The following MPP4 variants were observed in gnomAD, a reference collection of about 807,000 sequenced individuals.
MPP4 encodes MAGUK p55 subfamily member 4.
In MPP4, 91 loss-of-function variants were observed where a neutral mutation model predicts 98.3. The ratio of observed to expected loss-of-function variants is 0.93; its 90% CI spans 0.78 to 1.10. The LOEUF is 1.10. Ranked by LOEUF, MPP4 falls within the 50% of genes least tolerant of loss-of-function variation. MPP4 has a pLI of 0.00. For missense variants in MPP4, 744 were observed against 792.9 expected, an observed-to-expected ratio of 0.94 and a Z score of 0.74; for synonymous variants, 261 against 271.8, an observed-to-expected ratio of 0.96 and a Z score of 0.39.
chr2:201,652,511 C>T (rs548011926), intron 18 of MPP4, among the ~76,000 whole-genome samples: 1 of 152,188 alleles, frequency 6.6e-6, no homozygotes, highest in Non-Finnish European at 1.5e-5. Context: ...GACTCTTTCA[C>T]TCAGGTTTAA....
At chr2:201,672,515 GAAGAA>G (rs1355923568) in intron 11 of MPP4, among the ~76,000 whole-genome samples, 1 of 151,946 alleles carries the variant, frequency 6.6e-6, no homozygotes, top group East Asian at 1.9e-4. Context: ...GATTAATAAA[GAAGAA>G]AAGAGAGAAG....
intron 15 of MPP4, 89 bp from the exon 16 acceptor site, chr2:201,658,607 G>A: frequency 8.2e-7 from 1 of 1,225,928 alleles, no homozygotes; most frequent in Non-Finnish European, 1.2e-6. Context: ...AACTTTTCAA[G>A]TGACCACCTT....
At chr2:201,645,622 T>C (rs968089281) in intron 21 of MPP4, among the ~76,000 whole-genome samples, 1 of 152,140 alleles carries the variant, frequency 6.6e-6, no homozygotes, top group Non-Finnish European at 1.5e-5. Context: ...TTGCCCTCTG[T>C]TATTGAAATA....
intron 3 of MPP4, 47 bp downstream of exon 3, chr2:201,692,861 C>G: frequency 1.3e-6 from 2 of 1,590,936 alleles, no homozygotes; most frequent in Non-Finnish European, 1.7e-6. Context: ...ACACACTCCC[C>G]ACAACCCCTT....
intron 20 of MPP4, 42 bp from the exon 21 acceptor site, chr2:201,647,867 T>C (rs1263420198): frequency 6.5e-7 from 1 of 1,549,846 alleles, no homozygotes; most frequent in South Asian, 1.2e-5. Flanking sequence ...TTTGTTTGTT[T>C]TGTTTTGAGA....
chr2:201,654,811 C>G lies in MPP4; in HGVS notation c.1381+26G>C, dbSNP rs181034495. On this transcript the variant is annotated intron_variant, in intron 18 of 21. Coordinates refer to ENST00000409474, the MANE Select transcript of MPP4 (RefSeq NM_033066.3). ...AAGAAAGTTTTACCAAAACACAAAC[C>G]ATTATGAAAGCAGAACTAAACATAC... The G allele has an allele frequency of 5.9e-5, 92 of 1,550,006 alleles. No homozygotes were observed. The African/African-American group carries it at 6.3e-4, about 11-fold the overall frequency.
At chr2:201,685,364 C>T (rs1055419659) in intron 6 of MPP4, among the ~76,000 whole-genome samples, 3 of 152,224 alleles carry the variant, frequency 2.0e-5, no homozygotes, top group Admixed American at 2.0e-4. Flanking sequence ...GGAGGGGCCA[C>T]ACAGTGCCCT....
In MPP4 at chr2:201,644,911, T is replaced by A. The variant is rs1378157122; in HGVS notation, c.*299A>T. 4.7e-6 allele frequency: 1 copy of A among 214,142 alleles called. No homozygotes were observed. Among genetic ancestry groups the A allele is most frequent in the African/African-American group, 2.3e-5 (1 of 43,962 alleles). The allele number at this position is 214,142 out of a possible 1,614,324, so 13.3% of individuals were successfully genotyped here. A position where few individuals can be genotyped will look rare whatever the true frequency, so the allele number is the denominator to read the frequency against. Reference sequence around the variant, plus strand: ...TTGCTTATTTTATTTAGGAAAGCTCTTTATTTAAATCTTAAAAAGATCATG... The same window carrying A: ...TTGCTTATTTTATTTAGGAAAGCTCATTATTTAAATCTTAAAAAGATCATG... On this transcript the variant is annotated 3_prime_UTR_variant, in exon 22 of 22. Coordinates refer to ENST00000409474, the MANE Select transcript of MPP4 (RefSeq NM_033066.3).
intron 18 of MPP4, among the ~76,000 whole-genome samples, chr2:201,653,838 CTAAA>C (rs1687783418): frequency 6.6e-6 from 1 of 151,802 alleles, no homozygotes. Flanking sequence ...TATAACAACT[CTAAA>C]TGGGTAAAAA....
rs1270704912 is a variant in MPP4, at chr2:201,650,085, T to C, written c.1462A>G (p.Ile488Val). ...YVSKETFENL[I>V]YSHRMLEYGE... ...CCTCTACTTTACCTGTGACTATATA[T>C]GAGGTTTTCAAATGTTTCCTTGGAC... Residue 488 changes from isoleucine (I) to valine (V), a missense_variant, in exon 19 of 22, where the codon ATA (isoleucine) becomes GTA (valine). Transcript: ENST00000409474. The C allele has an allele frequency of 2.5e-6, 4 of 1,573,028 alleles. No homozygotes were observed. The highest frequency in any genetic ancestry group is 3.5e-6 in the Non-Finnish European group (4 of 1,157,332).
chr2:201,655,141 G>A (rs1196223181), intron 17 of MPP4, among the ~76,000 whole-genome samples: 1 of 152,192 alleles, frequency 6.6e-6, no homozygotes, highest in South Asian at 2.1e-4. Context: ...TCAGGAATGA[G>A]GTAAGGAATC....
chr2:201,685,842 G>A, intron 6 of MPP4, 77 bp downstream of exon 6: 1 of 1,545,884 alleles, frequency 6.5e-7, no homozygotes, highest in Non-Finnish European at 8.8e-7. Flanking sequence ...TACTGCCCAA[G>A]TAACCACTAG....
chr2:201,689,377 G>A (rs947953275), intron 4 of MPP4, among the ~76,000 whole-genome samples: 4 of 152,150 alleles, frequency 2.6e-5, no homozygotes, highest in Non-Finnish European at 4.4e-5. Context: ...TCTGAGATGG[G>A]AAGTCATTTG....
At chr2:201,664,966 ACAGTGTG>A (rs2105923866) in intron 13 of MPP4, 1 of 167,284 alleles carries the variant, frequency 6.0e-6, no homozygotes, top group East Asian at 1.9e-4. Flanking sequence ...CAGGAACAGA[ACAGTGTG>A]CATATCTTGC....
At chr2:201,683,765 G>C (rs574952642) in intron 7 of MPP4, among the ~76,000 whole-genome samples, 2 of 149,574 alleles carry the variant, frequency 1.3e-5, no homozygotes, top group Non-Finnish European at 3.0e-5. Context: ...AAAAAAAAAA[G>C]AAAAGAAAAG....
At chr2:201,688,084 T>G (rs1453916550) in intron 4 of MPP4, among the ~76,000 whole-genome samples, 2 of 152,240 alleles carry the variant, frequency 1.3e-5, no homozygotes, top group Non-Finnish European at 2.9e-5. Flanking sequence ...GTGCTTTTCC[T>G]GTGGACAACT....
intron 16 of MPP4, among the ~76,000 whole-genome samples, chr2:201,656,831 A>T (rs146989328): frequency 8.5e-5 from 13 of 152,346 alleles, no homozygotes; most frequent in Non-Finnish European, 1.6e-4. Flanking sequence ...CTCTGCAGAG[A>T]CGGGCAAGCC....
chr2:201,653,144 C>G (rs1271017671), intron 18 of MPP4, among the ~76,000 whole-genome samples: 1 of 152,160 alleles, frequency 6.6e-6, no homozygotes, highest in Non-Finnish European at 1.5e-5. Flanking sequence ...ATTACCTGCC[C>G]AGATCTGGTC....
intron 3 of MPP4, among the ~76,000 whole-genome samples, chr2:201,692,152 C>T (rs897013873): frequency 1.3e-5 from 2 of 152,128 alleles, no homozygotes; most frequent in Admixed American, 1.3e-4. Context: ...GAACTTTTTC[C>T]AAGTTGAAAT....
Sources: allele counts gnomAD v4.1 joint callset (sites outside exome capture counted in the v4.1 genomes callset), GRCh38; gene constraint gnomAD v4.1.1; transcripts MANE v1.5; gene names NCBI Gene and HGNC (gene_info 2026-07-23, HGNC 2026-07-21).